ERBB4: variants seen among roughly 807,000 people sequenced by gnomAD.
ERBB4 encodes the protein receptor tyrosine-protein kinase erbB-4.
A neutral mutation model predicts 158.0 loss-of-function variants in ERBB4; 42 were observed. The ratio of observed to expected loss-of-function variants is 0.27; its 90% CI spans 0.21 to 0.34. ERBB4 has a LOEUF of 0.34. Ranked by LOEUF, ERBB4 falls within the 10% of genes least tolerant of loss-of-function variation. The pLI, the probability that ERBB4 is intolerant of heterozygous loss-of-function variation, is 1.00. For synonymous variants in ERBB4, 583 were observed against 558.7 expected (o/e 1.04, Z -0.61); for missense variants, 1,333 against 1,624.1 (o/e 0.82, Z 3.08).
intron 20 of ERBB4, among the ~76,000 whole-genome samples, chr2:211,507,011 G>T (rs978314425): frequency 6.6e-6 from 1 of 151,968 alleles, no homozygotes; most frequent in African/African-American, 2.4e-5. Flanking sequence ...AGCACAACCA[G>T]AAATGATAAA....
At chr2:211,861,363 T>TTTTTTTTTTTTG (rs2078050587) in intron 3 of ERBB4, among the ~76,000 whole-genome samples, 1 of 99,768 alleles carries the variant, frequency 1.0e-5, no homozygotes, top group Non-Finnish European at 1.9e-5. Flanking sequence ...TTTTTTTTTT[T>TTTTTTTTTTTTG]TTTTTTACTT....
At chr2:212,225,342 T>C (rs1699996871) in intron 1 of ERBB4, among the ~76,000 whole-genome samples, 1 of 152,068 alleles carries the variant, frequency 6.6e-6, no homozygotes, top group South Asian at 2.1e-4. Context: ...AAAAAAATGT[T>C]TTATCAGCGT....
At chr2:211,873,858 T>TA (rs544658509) in intron 3 of ERBB4, among the ~76,000 whole-genome samples, 45 of 150,752 alleles carry the variant, frequency 3.0e-4, no homozygotes, top group African/African-American at 1.1e-3. Flanking sequence ...AATGTGTTCT[T>TA]AAAAAAAATA....
At chr2:212,355,579 A>G (rs1007838147) in intron 1 of ERBB4, among the ~76,000 whole-genome samples, 3 of 152,070 alleles carry the variant, frequency 2.0e-5, no homozygotes, top group Non-Finnish European at 2.9e-5. Context: ...TTATTGTAAT[A>G]GTTATGAGCC....
intron 2 of ERBB4, among the ~76,000 whole-genome samples, chr2:212,117,694 T>A (rs751625704): frequency 6.6e-6 from 1 of 152,180 alleles, no homozygotes. Flanking sequence ...ACTTAAATCA[T>A]CTTTTTTGGG....
intron 20 of ERBB4, among the ~76,000 whole-genome samples, chr2:211,487,876 G>A (rs1040375547): frequency 6.6e-6 from 1 of 152,062 alleles, no homozygotes; most frequent in African/African-American, 2.4e-5. Flanking sequence ...GAGGAAAAGT[G>A]TGTTGGACAC....
At chr2:212,419,467 T>A (rs1009097004) in intron 1 of ERBB4, among the ~76,000 whole-genome samples, 2 of 151,916 alleles carry the variant, frequency 1.3e-5, no homozygotes, top group African/African-American at 4.8e-5. Context: ...GGATTTGACT[T>A]TGAATGATTC....
intron 1 of ERBB4, among the ~76,000 whole-genome samples, chr2:212,354,959 G>A (rs1313606886): frequency 6.6e-6 from 1 of 151,838 alleles, no homozygotes. Flanking sequence ...GTTAAATAAG[G>A]CCCAAGTCCC....
At chr2:212,318,167 G>T (rs1229869520) in intron 1 of ERBB4, among the ~76,000 whole-genome samples, 1 of 151,498 alleles carries the variant, frequency 6.6e-6, no homozygotes, top group Non-Finnish European at 1.5e-5. Context: ...GAGTCACACA[G>T]CCGGTAAGAG....
intron 1 of ERBB4, among the ~76,000 whole-genome samples, chr2:212,416,887 C>T (rs2091667585): frequency 6.6e-6 from 1 of 152,156 alleles, no homozygotes; most frequent in African/African-American, 2.4e-5. Context: ...CTGATCAAAT[C>T]CAACTTTATT....
At chr2:212,188,286 CT>C (rs1223410420) in intron 1 of ERBB4, among the ~76,000 whole-genome samples, 1 of 117,672 alleles carries the variant, frequency 8.5e-6, no homozygotes, top group East Asian at 3.3e-4. Context: ...TCCCTCTTCT[CT>C]CCCTCCCTCT....
intron 1 of ERBB4, among the ~76,000 whole-genome samples, chr2:212,131,312 T>A (rs1341378483): frequency 2.6e-5 from 4 of 152,278 alleles, no homozygotes; most frequent in South Asian, 4.1e-4. Flanking sequence ...ATAATATTTT[T>A]AAAAATATAA....
At chr2:212,158,988 T>A (rs2081122912) in intron 1 of ERBB4, among the ~76,000 whole-genome samples, 1 of 152,030 alleles carries the variant, frequency 6.6e-6, no homozygotes, top group Non-Finnish European at 1.5e-5. Flanking sequence ...TTGATAATGT[T>A]CTTAATAAAG....
intron 1 of ERBB4, among the ~76,000 whole-genome samples, chr2:212,321,930 G>C (rs1215120747): frequency 6.7e-6 from 1 of 149,914 alleles, no homozygotes; most frequent in East Asian, 2.0e-4. Flanking sequence ...TACAGAGATG[G>C]AATGTTGCCT....
At chr2:211,915,115 C>A (rs1390091589) in intron 3 of ERBB4, among the ~76,000 whole-genome samples, 1 of 152,038 alleles carries the variant, frequency 6.6e-6, no homozygotes, top group East Asian at 1.9e-4. Flanking sequence ...CCAACTATGC[C>A]AATTTTAATT....
At chr2:212,331,957 C>A (rs2106296251) in intron 1 of ERBB4, among the ~76,000 whole-genome samples, 1 of 152,144 alleles carries the variant, frequency 6.6e-6, no homozygotes, top group African/African-American at 2.4e-5. Context: ...AATCATACCT[C>A]CTATTGCTGT....
intron 16 of ERBB4, among the ~76,000 whole-genome samples, chr2:211,655,995 G>C (rs1385942706): frequency 2.0e-5 from 3 of 152,174 alleles, no homozygotes; most frequent in Non-Finnish European, 4.4e-5. Flanking sequence ...ACATATGAAT[G>C]AAGAAATTAT....
Position 211,665,457 on chromosome 2 carries a change from C to A in ERBB4, c.1737G>T (p.Lys579Asn), listed in dbSNP as rs377501321. ...TTGGGCCATCTTTAAAATGAGAGCA[C>A]TTTGTACAGTTGTCAGGACCCTGAA... ...CHGPGPDNCT[K>N]CSHFKDGPNC... Residue 579 changes from lysine to asparagine, a missense_variant, in exon 15 of 28, where the codon AAG becomes AAT. Coordinates refer to ENST00000342788, the MANE Select transcript of ERBB4 (RefSeq NM_005235.3). The A allele has an allele frequency of 6.2e-7, 1 of 1,613,646 alleles. No individual in the cohort carries two copies. Among genetic ancestry groups the A allele is most frequent in the Non-Finnish European group, 8.5e-7 (1 of 1,179,910 alleles).
chr2:211,777,220 A>G (rs1288856119), intron 4 of ERBB4: 4 of 152,190 alleles, frequency 2.6e-5, no homozygotes, highest in East Asian at 3.8e-4. Context: ...TTCTCCTCAC[A>G]TGACAAAAAC....
Sources: gnomAD v4.1 joint callset for allele counts (sites outside exome capture counted in the v4.1 genomes callset) on GRCh38, gnomAD v4.1.1 for gene constraint, MANE v1.5 for transcripts, NCBI Gene and HGNC (gene_info 2026-07-23, HGNC 2026-07-21) for gene names.